CRB1: variants seen among roughly 807,000 people sequenced by gnomAD.
The protein encoded by CRB1 is crumbs cell polarity complex component 1.
A neutral mutation model predicts 120.0 loss-of-function variants in CRB1; 83 were observed. That is an observed-to-expected ratio of 0.69 (90% confidence interval 0.58 to 0.83). The LOEUF is 0.83. Among genes scored for constraint, CRB1 ranks in the 40% least tolerant of loss-of-function variants. The probability of loss-of-function intolerance (pLI) is 0.00; values close to 1 mark genes in which losing one functional copy is unlikely to be tolerated. For missense variants in CRB1, 1,699 were observed against 1,687.6 expected, an observed-to-expected ratio of 1.01 and a Z score of -0.12; for synonymous variants, 625 against 612.5, an observed-to-expected ratio of 1.02 and a Z score of -0.30.
rs1027461327 is a variant in CRB1 at position 197,286,188 on chromosome 1, T to G, written c.70+17706T>G. Among the ~76,000 whole-genome samples, 3 of 152,050 alleles carry G rather than the reference T, an allele frequency of 2.0e-5. No individual in the cohort carries two copies. The East Asian group carries it at 5.8e-4, about 30-fold the overall frequency. On this transcript the variant is annotated intron_variant, in intron 1 of 11. Transcript: ENST00000367400. ...TTCCTTCATGTGGCATCAGTTTGATTGCTTGTTTTCTAGAAAATAGAGAGA... is the reference window on the plus strand; with the variant it reads ...TTCCTTCATGTGGCATCAGTTTGATGGCTTGTTTTCTAGAAAATAGAGAGA...
At chr1:197,240,301 G>A in the CRB1 span, among the ~76,000 whole-genome samples, 1 of 152,038 alleles carries the variant, frequency 6.6e-6, no homozygotes, top group African/African-American at 2.4e-5. Flanking sequence ...CACGTGCCAT[G>A]GTGGTTCGCT....
At chr1:197,315,909 T>G (rs1657809670) in intron 1 of CRB1, among the ~76,000 whole-genome samples, 1 of 152,246 alleles carries the variant, frequency 6.6e-6, no homozygotes, top group Non-Finnish European at 1.5e-5. Flanking sequence ...TACACTAACA[T>G]TCTAAAAGGA....
At chr1:197,298,906 C>T (rs947117158) in intron 1 of CRB1, among the ~76,000 whole-genome samples, 4 of 151,930 alleles carry the variant, frequency 2.6e-5, no homozygotes, top group Non-Finnish European at 4.4e-5. Flanking sequence ...AAAGCAAAAA[C>T]TTTATACTTT....
Position 197,421,527 on chromosome 1 carries a change from T to C in CRB1, c.1699T>C (p.Trp567Arg), listed in dbSNP as rs886043472. ...TTCCCACAACACCAGCGATGGAGAG[T>C]GGCATTTCGTGGAGGTAATATTTGC... ...FISHNTSDGE[W>R]HFVEVIFAEA... Residue 567 changes from tryptophan (W) to arginine (R), a missense_variant, in exon 6 of 12, where the codon TGG becomes CGG. Transcript: ENST00000367400. 1 of 1,614,146 alleles carries C rather than the reference T, an allele frequency of 6.2e-7. No homozygotes were observed. The highest frequency in any genetic ancestry group is 8.5e-7 in the Non-Finnish European group (1 of 1,180,028).
the CRB1 span, among the ~76,000 whole-genome samples, chr1:197,239,596 T>C: frequency 1.3e-5 from 2 of 152,002 alleles, no homozygotes; most frequent in South Asian, 4.1e-4. Flanking sequence ...GGGTTTCTTA[T>C]AGACAGCATA....
At chr1:197,283,599 T>A (rs1401257325) in intron 1 of CRB1, among the ~76,000 whole-genome samples, 3 of 151,852 alleles carry the variant, frequency 2.0e-5, no homozygotes, top group Non-Finnish European at 4.4e-5. Flanking sequence ...TGAGTAGTAT[T>A]CCATCATGTA....
At chr1:197,216,262 C>G in the CRB1 span, among the ~76,000 whole-genome samples, 2 of 152,138 alleles carry the variant, frequency 1.3e-5, no homozygotes, top group Admixed American at 6.5e-5. Context: ...TGTTTGCTCT[C>G]AGAACACTAT....
chr1:197,431,360 T>C (rs972699601), intron 8 of CRB1, among the ~76,000 whole-genome samples: 2 of 152,198 alleles, frequency 1.3e-5, no homozygotes, highest in African/African-American at 4.8e-5. Flanking sequence ...CACACATGTA[T>C]AGAAAACATG....
chr1:197,438,806 GAC>G, intron 10 of CRB1, 131 bp downstream of exon 10: 1 of 1,137,798 alleles, frequency 8.8e-7, no homozygotes, highest in Non-Finnish European at 1.3e-6. Flanking sequence ...TAGAGGTTCA[GAC>G]AGAATGAAAC....
At chr1:197,299,537 T>C (rs1000664117) in intron 1 of CRB1, among the ~76,000 whole-genome samples, 7 of 150,438 alleles carry the variant, frequency 4.7e-5, no homozygotes, top group African/African-American at 1.7e-4. Context: ...AATGTGTATG[T>C]GCAATCGTGT....
intron 11 of CRB1, among the ~76,000 whole-genome samples, chr1:197,452,705 G>A (rs1304894544): frequency 6.6e-6 from 1 of 152,060 alleles, no homozygotes; most frequent in Non-Finnish European, 1.5e-5. Flanking sequence ...CAAGCCACAG[G>A]TCTTCCTAGG....
At chr1:197,329,708 A>G (rs1158431281) in intron 2 of CRB1, among the ~76,000 whole-genome samples, 1 of 152,176 alleles carries the variant, frequency 6.6e-6, no homozygotes, top group East Asian at 1.9e-4. Context: ...TTTTAGGTCA[A>G]TTCTTCACGA....
chr1:197,253,913 G>C, the CRB1 span, among the ~76,000 whole-genome samples: 152 of 152,090 alleles, frequency 1.0e-3, 2 homozygotes, highest in South Asian at 0.012. Context: ...CTGATATTTT[G>C]AGAGGTTTGT....
intron 2 of CRB1, among the ~76,000 whole-genome samples, chr1:197,332,929 A>G (rs952316333): frequency 1.3e-5 from 2 of 152,192 alleles, no homozygotes; most frequent in African/African-American, 2.4e-5. Flanking sequence ...GGGAAAAGCC[A>G]AAGTTGAGAA....
chr1:197,257,809 A>G, the CRB1 span, among the ~76,000 whole-genome samples: 1 of 151,986 alleles, frequency 6.6e-6, no homozygotes, highest in African/African-American at 2.4e-5. Context: ...TCCACCTATT[A>G]CTTATCCTTC....
rs370903241 is a variant in CRB1, at chr1:197,354,577, G to A, written c.989-2254G>A. ...CTCTTAAGATGGCACGTCTGGCCGC[G>A]TCTGGAGAGTTGTTTATTCCTCCTG... is the stretch of plus-strand genomic sequence containing the variant. On this transcript the variant is annotated intron_variant, in intron 4 of 11. Transcript: ENST00000367400. Among the ~76,000 whole-genome samples, 38 of 152,148 alleles carry A rather than the reference G, an allele frequency of 2.5e-4. 1 individual carries two copies. Among genetic ancestry groups the A allele is most frequent in the Admixed American group, 1.6e-3 (25 of 15,282 alleles).
At position 197,435,426 on chromosome 1, in the gene CRB1, A is replaced by C; in HGVS notation, c.3563A>C (p.His1188Pro). Residue 1188 changes from histidine to proline, a missense_variant, in exon 9 of 12, where the codon CAT (histidine) becomes CCT (proline). His to Pro is a moderately conservative substitution (Grantham distance 77). Coordinates refer to ENST00000367400, the MANE Select transcript of CRB1 (RefSeq NM_201253.3). ...IDECFSNPCI[H>P]GNCSDRVAAY... ...GAATGCTTTTCAAACCCCTGTATCC[A>C]TGGCAACTGCTCTGACAGAGTTGCA... The C allele has an allele frequency of 1.3e-6, 2 of 1,598,508 alleles. No homozygotes were observed.
chr1:197,462,128 T>C (rs1490081689), intron 11 of CRB1, among the ~76,000 whole-genome samples: 1 of 152,180 alleles, frequency 6.6e-6, no homozygotes, highest in Non-Finnish European at 1.5e-5. Flanking sequence ...ATGTTGTCGT[T>C]CTTGATTTTG....
the CRB1 span, among the ~76,000 whole-genome samples, chr1:197,250,570 A>G: frequency 5.9e-5 from 9 of 152,128 alleles, no homozygotes; most frequent in East Asian, 9.7e-4. Context: ...GTTGGTTGAT[A>G]TACGTTATAC....
Sources: allele counts gnomAD v4.1 joint callset (sites outside exome capture counted in the v4.1 genomes callset), GRCh38; gene constraint gnomAD v4.1.1; transcripts MANE v1.5; gene names NCBI Gene and HGNC (gene_info 2026-07-23, HGNC 2026-07-21).